Variants in DGKI observed in about 807,000 individuals in gnomAD.
DGKI encodes the protein diacylglycerol kinase iota, also known as DAG kinase iota.
DGKI carries 55 observed loss-of-function variants against 147.5 expected under a neutral mutation model. The ratio of observed to expected loss-of-function variants is 0.37; its 90% CI spans 0.30 to 0.47. The LOEUF is 0.47. Among genes scored for constraint, DGKI ranks in the 20% least tolerant of loss-of-function variants. The probability of loss-of-function intolerance (pLI) is 1.00; values close to 1 mark genes in which losing one functional copy is unlikely to be tolerated. For synonymous variants in DGKI, 469 were observed against 477.1 expected (o/e 0.98, Z 0.22); for missense variants, 1,007 against 1,323.8 (o/e 0.76, Z 3.71).
At chr7:137,582,534 G>A (rs1819240817) in intron 14 of DGKI, among the ~76,000 whole-genome samples, 1 of 151,692 alleles carries the variant, frequency 6.6e-6, no homozygotes, top group Non-Finnish European at 1.5e-5. Flanking sequence ...GGCCTAGAGA[G>A]AAAAACAACA....
rs1204127861 is a variant in DGKI at position 137,722,122 on chromosome 7, C to A, written c.402-32120G>T. On this transcript the variant is annotated intron_variant, in intron 1 of 32. Coordinates refer to ENST00000614521, the MANE Select transcript of DGKI (RefSeq NM_001321708.2). ...CAAGAAGGGGAAGCCCCATTGCAGC[C>A]GCAACCCTGTCATTGTCAGAGGAAT... 11 of 1,598,572 alleles carry A rather than the reference C, an allele frequency of 6.9e-6. No individual in the cohort carries two copies. In the South Asian group the frequency reaches 1.1e-4, roughly 16 times the overall value.
intron 10 of DGKI, among the ~76,000 whole-genome samples, chr7:137,600,608 TAGTC>T (rs1298988810): frequency 5.3e-5 from 8 of 152,196 alleles, no homozygotes; most frequent in South Asian, 4.1e-4. Flanking sequence ...GAAAAGTTAT[TAGTC>T]AGCCTATGTA....
At chr7:137,745,141 A>G (rs1358362079) in intron 1 of DGKI, among the ~76,000 whole-genome samples, 1 of 152,220 alleles carries the variant, frequency 6.6e-6, no homozygotes, top group Non-Finnish European at 1.5e-5. Context: ...TGCAGCTGTA[A>G]AAACATCCGT....
intron 20 of DGKI, among the ~76,000 whole-genome samples, chr7:137,544,522 G>T (rs555133213): frequency 4.6e-5 from 7 of 152,112 alleles, no homozygotes; most frequent in African/African-American, 1.7e-4. Context: ...GCAAAATAAA[G>T]GTTTTTGAAT....
At chr7:137,720,351 G>A (rs149873686) in intron 1 of DGKI, among the ~76,000 whole-genome samples, 3,500 of 136,186 alleles carry the variant, frequency 0.026, 117 homozygotes, top group East Asian at 0.17. Flanking sequence ...TCCACCTCCC[G>A]GGTTCACACC....
intron 29 of DGKI, among the ~76,000 whole-genome samples, chr7:137,409,823 G>A (rs1480053676): frequency 6.6e-6 from 1 of 152,110 alleles, no homozygotes; most frequent in Non-Finnish European, 1.5e-5. Context: ...ATTTGTGACA[G>A]CCTTCACACA....
intron 1 of DGKI, among the ~76,000 whole-genome samples, chr7:137,819,519 C>G (rs1797835370): frequency 6.6e-6 from 1 of 152,066 alleles, no homozygotes. Flanking sequence ...ACCGTGTTAG[C>G]CAGGATGGTC....
At chr7:137,742,975 C>T (rs554858837) in intron 1 of DGKI, among the ~76,000 whole-genome samples, 33 of 152,194 alleles carry the variant, frequency 2.2e-4, no homozygotes, top group South Asian at 1.7e-3. Flanking sequence ...GAGCAGGAGT[C>T]GCTAATCTTG....
rs1189326675 is a variant in DGKI, at chr7:137,384,760, T to C, written c.*6460A>G. The C allele has an allele frequency of 6.6e-6, 1 of 152,090 alleles. No individual in the cohort carries two copies. Among genetic ancestry groups the C allele is most frequent in the African/African-American group, 2.4e-5 (1 of 41,432 alleles). The allele number at this position is 152,090 out of a possible 1,614,324, so 9.4% of individuals were successfully genotyped here. On this transcript the variant is annotated 3_prime_UTR_variant, in exon 33 of 33. Coordinates refer to ENST00000614521, the MANE Select transcript of DGKI (RefSeq NM_001321708.2). ...TAGATTTGAGTTGTTTATACTGTCA[T>C]AGAGTGAAAACTATATGTGTGTTTC...
chr7:137,751,878 A>T (rs554740050), intron 1 of DGKI, among the ~76,000 whole-genome samples: 1 of 152,320 alleles, frequency 6.6e-6, no homozygotes, highest in South Asian at 2.1e-4. Context: ...TCAGAACCAA[A>T]AAGCAAGCAT....
At chr7:137,578,415 C>G in intron 15 of DGKI, 90 bp from the exon 16 acceptor site, 1 of 891,942 alleles carries the variant, frequency 1.1e-6, no homozygotes, top group Non-Finnish European at 1.9e-6. Context: ...CAGCTCCCTC[C>G]TATCCTACAG....
intron 20 of DGKI, among the ~76,000 whole-genome samples, chr7:137,534,751 A>G (rs529795730): frequency 2.0e-5 from 3 of 152,130 alleles, no homozygotes; most frequent in Non-Finnish European, 4.4e-5. Flanking sequence ...AAATTCAATC[A>G]AATTTATCCA....
intron 1 of DGKI, among the ~76,000 whole-genome samples, chr7:137,691,104 T>G (rs976604972): frequency 6.6e-6 from 1 of 152,200 alleles, no homozygotes; most frequent in South Asian, 2.1e-4. Context: ...CAACTCTGAG[T>G]CCTGAATCAG....
At chr7:137,466,118 G>A (rs1528096) in intron 25 of DGKI, 83 bp from the exon 26 acceptor site, 17,191 of 1,501,008 alleles carry the variant, frequency 0.011, 613 homozygotes, top group East Asian at 0.11. Context: ...ATTCTGCAAC[G>A]TGTCAAAGGA....
At chr7:137,400,206 G>C (rs565927940) in intron 30 of DGKI, among the ~76,000 whole-genome samples, 4 of 152,204 alleles carry the variant, frequency 2.6e-5, no homozygotes, top group African/African-American at 9.6e-5. Context: ...CTTCACGTCA[G>C]CAAGGGGCTT....
intron 1 of DGKI, among the ~76,000 whole-genome samples, chr7:137,816,382 T>C (rs1797738242): frequency 6.6e-6 from 1 of 152,188 alleles, no homozygotes. Context: ...CCTGAGGTTG[T>C]TTTGGGGATT....
In DGKI at chr7:137,407,976, T is replaced by C. The variant is rs753180905; in HGVS notation, c.2819A>G (p.Asn940Ser). 6.3e-7 allele frequency: 1 copy of C among 1,587,868 alleles called. No individual in the cohort carries two copies. Residue 940 changes from asparagine to serine, a missense_variant, in exon 30 of 33, where the codon AAT (asparagine) becomes AGT (serine). Physicochemically the swap from Asn to Ser is conservative, Grantham distance 46. Around this residue, in one of 5 missense-constraint regions of DGKI, gnomAD observed 385 missense variants for 445.2 expected, o/e 0.86. Coordinates refer to ENST00000614521, the MANE Select transcript of DGKI (RefSeq NM_001321708.2). ...TCCCTGAATTAGCAGACTGCCTCCA[T>C]TTTTATAGCTTTCTATTAGCTGCAA... ...DLMKLIESYK[N>S]GGSLLIQGPD...
At chr7:137,571,312 G>A (rs368875893) in intron 18 of DGKI, 26 bp from the exon 19 acceptor site, 690 of 1,504,176 alleles carry the variant, frequency 4.6e-4, no homozygotes, top group Non-Finnish European at 6.0e-4. Context: ...AAAGACAGAA[G>A]TAAATATGTC....
intron 28 of DGKI, among the ~76,000 whole-genome samples, chr7:137,418,836 T>C (rs1269487033): frequency 6.6e-6 from 1 of 152,224 alleles, no homozygotes; most frequent in Non-Finnish European, 1.5e-5. Flanking sequence ...CATAAATGCA[T>C]CTAGCTTTGC....
Sources: allele counts gnomAD v4.1 joint callset (sites outside exome capture counted in the v4.1 genomes callset), GRCh38; gene constraint gnomAD v4.1.1; regional missense constraint gnomAD v4.1.1; transcripts MANE v1.5; gene names NCBI Gene and HGNC (gene_info 2026-07-23, HGNC 2026-07-21).